Variants in PATJ observed in about 807,000 individuals in gnomAD.
PATJ encodes the protein inaD-like protein.
PATJ carries 190 observed loss-of-function variants against 224.9 expected under a neutral mutation model. That is an observed-to-expected ratio of 0.84 (90% CI 0.75 to 0.95). PATJ has a LOEUF of 0.95. PATJ is among the 40% of genes least tolerant of loss of function. The probability of loss-of-function intolerance (pLI) is 0.00; values close to 1 mark genes in which losing one functional copy is unlikely to be tolerated. For synonymous variants in PATJ, 769 were observed against 820.3 expected (o/e 0.94, Z 1.07); for missense variants, 2,121 against 2,270.3 (o/e 0.93, Z 1.34).
At chr1:62,146,945 G>C (rs1039379770) in intron 41 of PATJ, among the ~76,000 whole-genome samples, 8 of 152,100 alleles carry the variant, frequency 5.3e-5, no homozygotes, top group Admixed American at 4.6e-4. Context: ...CAGGAGCAAA[G>C]GTTGCAGGGA....
chr1:61,867,284 A>C (rs182598508), intron 20 of PATJ, among the ~76,000 whole-genome samples: 2 of 152,336 alleles, frequency 1.3e-5, no homozygotes, highest in Admixed American at 1.3e-4. Flanking sequence ...CTTGTTTAAA[A>C]CAATAGTCAG....
intron 41 of PATJ, among the ~76,000 whole-genome samples, chr1:62,137,199 G>A (rs1666999255): frequency 6.6e-6 from 1 of 151,472 alleles, no homozygotes; most frequent in African/African-American, 2.4e-5. Context: ...TTTACCCTAA[G>A]TTATTAAATG....
chr1:62,142,338 G>T (rs189017802), intron 41 of PATJ, among the ~76,000 whole-genome samples: 5 of 151,728 alleles, frequency 3.3e-5, no homozygotes, highest in Admixed American at 3.3e-4. Context: ...TTCCATAACT[G>T]CCTTGTTACT....
At chr1:61,926,250 T>G (rs998168978) in intron 26 of PATJ, among the ~76,000 whole-genome samples, 3 of 152,194 alleles carry the variant, frequency 2.0e-5, no homozygotes, top group African/African-American at 7.2e-5. Flanking sequence ...AGCCTGGCCC[T>G]GTACACACCC....
At chr1:61,792,020 G>A (rs1375227786) in intron 9 of PATJ, among the ~76,000 whole-genome samples, 1 of 151,956 alleles carries the variant, frequency 6.6e-6, no homozygotes, top group Non-Finnish European at 1.5e-5. Flanking sequence ...AATTATTAGG[G>A]TAAGAAAAAA....
intron 43 of PATJ, 36 bp downstream of exon 43, chr1:62,153,517 A>G: frequency 8.2e-7 from 1 of 1,212,654 alleles, no homozygotes; most frequent in Non-Finnish European, 1.0e-6. Flanking sequence ...TTTTAAAAAA[A>G]TTAAACCTAG....
intron 33 of PATJ, among the ~76,000 whole-genome samples, chr1:62,105,979 C>T (rs1442825530): frequency 7.1e-6 from 1 of 140,686 alleles, no homozygotes; most frequent in East Asian, 2.0e-4. Context: ...GTAGTCCCAG[C>T]TCCCAGGATG....
At chr1:62,100,549 G>C in intron 33 of PATJ, 2 of 570,466 alleles carry the variant, frequency 3.5e-6, no homozygotes, top group East Asian at 2.8e-5. Context: ...TCTTAATACT[G>C]TCACAATGGC....
intron 32 of PATJ, among the ~76,000 whole-genome samples, chr1:62,081,385 T>C (rs1470876078): frequency 2.0e-5 from 3 of 152,138 alleles, no homozygotes; most frequent in Non-Finnish European, 4.4e-5. Context: ...GAGCTGGGTT[T>C]GGGGCTGGAT....
intron 24 of PATJ, among the ~76,000 whole-genome samples, chr1:61,906,521 C>T (rs1415315090): frequency 6.6e-6 from 1 of 152,220 alleles, no homozygotes; most frequent in African/African-American, 2.4e-5. Flanking sequence ...TCCAAGGGTA[C>T]TCTGTGACAA....
intron 43 of PATJ, among the ~76,000 whole-genome samples, chr1:62,154,300 TTTC>T (rs1227673202): frequency 2.6e-5 from 4 of 152,298 alleles, no homozygotes; most frequent in South Asian, 2.1e-4. Flanking sequence ...ACAGTTTTTT[TTTC>T]TTCTTTGGTT....
At chr1:62,104,592 C>T (rs1558173167) in intron 33 of PATJ, among the ~76,000 whole-genome samples, 1 of 151,944 alleles carries the variant, frequency 6.6e-6, no homozygotes, top group Non-Finnish European at 1.5e-5. Flanking sequence ...AACAAACAAA[C>T]AAAAAAAGAA....
chr1:61,895,070 G>A (rs1473387442), intron 22 of PATJ, among the ~76,000 whole-genome samples: 1 of 152,120 alleles, frequency 6.6e-6, no homozygotes, highest in Non-Finnish European at 1.5e-5. Context: ...GATGATTTAG[G>A]GTATCTGGCA....
chr1:61,842,677 A>G (rs1344531143), intron 17 of PATJ, among the ~76,000 whole-genome samples: 5 of 152,030 alleles, frequency 3.3e-5, no homozygotes, highest in Admixed American at 6.6e-5. Flanking sequence ...TCTCTCCTGC[A>G]AAGTGCTCAA....
chr1:61,864,224 T>A lies in PATJ; in HGVS notation c.2440-14T>A. On this transcript the variant is annotated splice_polypyrimidine_tract_variant and intron_variant, in intron 19 of 43. Coordinates refer to ENST00000642238, the MANE Select transcript of PATJ (RefSeq NM_001350145.3). ...AGGCGTAACTTCACATTTTTTTGCA[T>A]CTTTTATTTATAGGGATTTAGAGAT... is the stretch of plus-strand genomic sequence containing the variant. The A allele has an allele frequency of 4.4e-6, 7 of 1,585,632 alleles. No homozygotes were observed. The highest frequency in any genetic ancestry group is 6.0e-6 in the Non-Finnish European group (7 of 1,167,068).
chr1:61,867,143 C>A (rs1424912072), intron 20 of PATJ, among the ~76,000 whole-genome samples: 1 of 152,168 alleles, frequency 6.6e-6, no homozygotes, highest in Non-Finnish European at 1.5e-5. Flanking sequence ...AATGCCTTAA[C>A]CATCTGGAAA....
chr1:61,801,397 T>G (rs1343509742), intron 11 of PATJ, among the ~76,000 whole-genome samples: 1 of 152,194 alleles, frequency 6.6e-6, no homozygotes, highest in Non-Finnish European at 1.5e-5. Context: ...ATGCCATTAA[T>G]CCATTAATAA....
rs1449186773 is a variant in PATJ at position 62,037,958 on chromosome 1, C to G, written c.3960-19C>G. The G allele has an allele frequency of 1.9e-6, 3 of 1,577,556 alleles. No homozygotes were observed. The Admixed American group carries it at 5.1e-5, about 27-fold the overall frequency. On this transcript the variant is annotated intron_variant, in intron 29 of 43. Coordinates refer to ENST00000642238, the MANE Select transcript of PATJ (RefSeq NM_001350145.3). Reference sequence around the variant, plus strand: ...AGCATTTACTGTGTACTGATTCTGCCTATTTTAACACTTCACAGAAACGAG... The same window carrying G: ...AGCATTTACTGTGTACTGATTCTGCGTATTTTAACACTTCACAGAAACGAG...
At chr1:62,010,090 A>G (rs1646347852) in intron 28 of PATJ, among the ~76,000 whole-genome samples, 1 of 151,188 alleles carries the variant, frequency 6.6e-6, no homozygotes, top group Non-Finnish European at 1.5e-5. Context: ...AAAAAAAAAA[A>G]AAAAAAGAAA....
Sources: gnomAD v4.1 joint callset for allele counts (sites outside exome capture counted in the v4.1 genomes callset) on GRCh38, gnomAD v4.1.1 for gene constraint, MANE v1.5 for transcripts, NCBI Gene and HGNC (gene_info 2026-07-23, HGNC 2026-07-21) for gene names.